The following ADGRL3 variants were observed in gnomAD, a reference collection of about 807,000 sequenced individuals.
The protein encoded by ADGRL3 is adhesion G protein-coupled receptor L3.
Under a neutral mutation model 153.5 loss-of-function variants are expected in ADGRL3, and 62 were observed. The observed-to-expected ratio is 0.40, with a 90% CI of 0.33 to 0.50. The LOEUF (loss-of-function observed/expected upper bound fraction) is 0.50. Ranked by LOEUF, ADGRL3 falls within the 20% of genes least tolerant of loss-of-function variation. The pLI, the probability that ADGRL3 is intolerant of heterozygous loss-of-function variation, is 0.47. For missense variants in ADGRL3, 1,641 were observed against 1,859.4 expected (o/e 0.88, Z 2.16); for synonymous variants, 710 against 672.5 (o/e 1.06, Z -0.86).
chr4:61,548,726 T>C (rs1381206589), intron 4 of ADGRL3, among the ~76,000 whole-genome samples: 1 of 152,184 alleles, frequency 6.6e-6, no homozygotes, highest in African/African-American at 2.4e-5. Flanking sequence ...TCCAGCTTTG[T>C]TGTTTTTGCT....
rs546444550 is a variant in ADGRL3 at position 61,448,129 on chromosome 4, G to A, written c.-173-48992G>A. On this transcript the variant is annotated intron_variant, in intron 2 of 26. Coordinates refer to ENST00000683033, the MANE Select transcript of ADGRL3 (RefSeq NM_001387552.1). ...AATCACCAGAATTTAGCTCAGTGGT[G>A]TGCACAGAGTAGTAATACATATTGG... Among the ~76,000 whole-genome samples the A allele has an allele frequency of 1.1e-4, 16 of 152,296 alleles. No homozygotes were observed. In the South Asian group the frequency reaches 3.3e-3, roughly 32 times the overall value.
chr4:61,822,571 A>C (rs2097765638), intron 9 of ADGRL3, among the ~76,000 whole-genome samples: 1 of 152,206 alleles, frequency 6.6e-6, no homozygotes, highest in African/African-American at 2.4e-5. Context: ...AATAAGTATG[A>C]GGGTTTTGCA....
At chr4:61,999,989 T>C (rs1376268026) in intron 21 of ADGRL3, among the ~76,000 whole-genome samples, 2 of 152,096 alleles carry the variant, frequency 1.3e-5, no homozygotes, top group Non-Finnish European at 2.9e-5. Flanking sequence ...GTTGGTTTCT[T>C]AGACTATTTG....
chr4:61,612,782 T>C (rs1273393645), intron 5 of ADGRL3, among the ~76,000 whole-genome samples: 1 of 152,170 alleles, frequency 6.6e-6, no homozygotes, highest in Admixed American at 6.5e-5. Context: ...TAATTACTTA[T>C]TACTATATAT....
intron 8 of ADGRL3, among the ~76,000 whole-genome samples, chr4:61,778,716 A>C (rs1272352365): frequency 2.6e-5 from 4 of 152,164 alleles, no homozygotes; most frequent in Admixed American, 6.5e-5. Context: ...AATCCTTTTG[A>C]TGAGAGAAGC....
At chr4:61,575,896 T>C (rs1020539448) in intron 4 of ADGRL3, among the ~76,000 whole-genome samples, 4 of 152,038 alleles carry the variant, frequency 2.6e-5, no homozygotes, top group African/African-American at 9.7e-5. Context: ...TTTCTATTGA[T>C]TTTTTTGTGG....
At chr4:61,769,082 G>C in intron 8 of ADGRL3, among the ~76,000 whole-genome samples, 1 of 151,856 alleles carries the variant, frequency 6.6e-6, no homozygotes, top group South Asian at 2.1e-4. Flanking sequence ...AGGAAAGCGG[G>C]ACTTGCCGCT....
chr4:61,335,297 A>C (rs1240311532), intron 1 of ADGRL3, among the ~76,000 whole-genome samples: 1 of 152,144 alleles, frequency 6.6e-6, no homozygotes, highest in Non-Finnish European at 1.5e-5. Flanking sequence ...ATTTCTTTTC[A>C]GTACGTTTTA....
chr4:61,424,251 T>G (rs1262016093), intron 2 of ADGRL3, among the ~76,000 whole-genome samples: 1 of 152,150 alleles, frequency 6.6e-6, no homozygotes, highest in African/African-American at 2.4e-5. Flanking sequence ...TGCATGGGAT[T>G]GTGCACCTGC....
intron 9 of ADGRL3, among the ~76,000 whole-genome samples, chr4:61,818,187 G>A (rs77865268): frequency 0.053 from 8,132 of 152,212 alleles, 366 homozygotes; most frequent in African/African-American, 0.12. Context: ...AATGGGGGTA[G>A]AGGCAGTAGA....
intron 5 of ADGRL3, among the ~76,000 whole-genome samples, chr4:61,656,093 T>C (rs1247567275): frequency 6.6e-6 from 1 of 152,204 alleles, no homozygotes; most frequent in Non-Finnish European, 1.5e-5. Flanking sequence ...ATTAGATGCT[T>C]ACTTTGTTGC....
At chr4:61,954,585 G>T (rs993500838) in intron 17 of ADGRL3, among the ~76,000 whole-genome samples, 4 of 151,710 alleles carry the variant, frequency 2.6e-5, no homozygotes, top group Non-Finnish European at 5.9e-5. Context: ...ATCTTGGCCC[G>T]CATTAGCATC....
chr4:61,606,203 T>A (rs1308363264), intron 5 of ADGRL3, among the ~76,000 whole-genome samples: 1 of 152,108 alleles, frequency 6.6e-6, no homozygotes, highest in Non-Finnish European at 1.5e-5. Flanking sequence ...ATTGCACAGA[T>A]GTGAAGTGAA....
chr4:61,736,917 T>C (rs1008155661), intron 8 of ADGRL3, among the ~76,000 whole-genome samples: 13 of 152,206 alleles, frequency 8.5e-5, no homozygotes, highest in African/African-American at 2.7e-4. Flanking sequence ...CATGGACTTA[T>C]TGCAGTTTAG....
intron 4 of ADGRL3, among the ~76,000 whole-genome samples, chr4:61,555,781 G>A (rs1195768078): frequency 6.6e-6 from 1 of 152,132 alleles, no homozygotes; most frequent in Non-Finnish European, 1.5e-5. Flanking sequence ...CTAAACAAGG[G>A]GTGGATTATT....
At chr4:61,362,176 T>C (rs913099838) in intron 1 of ADGRL3, among the ~76,000 whole-genome samples, 8 of 151,218 alleles carry the variant, frequency 5.3e-5, no homozygotes, top group African/African-American at 1.7e-4. Flanking sequence ...CTAATTTTTG[T>C]ATTTTTAGTA....
At chr4:61,959,024 GGTAATGTAATT>G (rs2150452032) in intron 17 of ADGRL3, among the ~76,000 whole-genome samples, 1 of 152,142 alleles carries the variant, frequency 6.6e-6, no homozygotes, top group East Asian at 1.9e-4. Flanking sequence ...ATAAAATTTA[GGTAATGTAATT>G]GTATACTTAA....
chr4:61,317,831 A>G (rs544390586), intron 1 of ADGRL3, among the ~76,000 whole-genome samples: 151 of 152,222 alleles, frequency 9.9e-4, no homozygotes, highest in Admixed American at 3.1e-3. Context: ...CTCTTCTCCA[A>G]CCCAGTACAA....
chr4:61,671,091 G>T (rs535441094), intron 5 of ADGRL3, among the ~76,000 whole-genome samples: 1 of 152,178 alleles, frequency 6.6e-6, no homozygotes, highest in South Asian at 2.1e-4. Flanking sequence ...TGCCTAAACA[G>T]CCCCTACCTG....
Sources: allele counts gnomAD v4.1 joint callset (sites outside exome capture counted in the v4.1 genomes callset), GRCh38; gene constraint gnomAD v4.1.1; transcripts MANE v1.5; gene names NCBI Gene and HGNC (gene_info 2026-07-23, HGNC 2026-07-21).